The following RPN2 variants were observed in gnomAD, a reference collection of about 807,000 sequenced individuals.
The protein encoded by RPN2 is dolichyl-diphosphooligosaccharide--protein glycosyltransferase subunit 2.
RPN2 carries 29 observed loss-of-function variants against 71.4 expected under a neutral mutation model. That is an observed-to-expected ratio of 0.41 (90% CI 0.30 to 0.55). The LOEUF (loss-of-function observed/expected upper bound fraction) is 0.55. RPN2 is among the 20% of genes least tolerant of loss of function. The pLI is 0.35. For missense variants in RPN2, 726 were observed against 774.1 expected (o/e 0.94, Z 0.74); for synonymous variants, 308 against 305.0 (o/e 1.01, Z -0.10).
intron 9 of RPN2, among the ~76,000 whole-genome samples, chr20:37,216,937 T>C (rs2067821802): frequency 1.7e-5 from 1 of 60,584 alleles, no homozygotes; most frequent in African/African-American, 5.5e-5. Flanking sequence ...TTCTTTTTCT[T>C]TCTTTTTTTT....
intron 9 of RPN2, among the ~76,000 whole-genome samples, chr20:37,222,742 A>G (rs2067991259): frequency 6.6e-6 from 1 of 152,216 alleles, no homozygotes; most frequent in Non-Finnish European, 1.5e-5. Context: ...GTTTGCACAT[A>G]AAAGCGCCTT....
chr20:37,229,893 G>A, intron 12 of RPN2, 80 bp from the exon 13 acceptor site: 1 of 1,070,742 alleles, frequency 9.3e-7, no homozygotes, highest in Non-Finnish European at 1.5e-6. Context: ...GGTCTTAGAT[G>A]TGAGTCAGAG....
At chr20:37,224,935 A>C (rs2068043432) in intron 10 of RPN2, among the ~76,000 whole-genome samples, 1 of 152,192 alleles carries the variant, frequency 6.6e-6, no homozygotes, top group Non-Finnish European at 1.5e-5. Flanking sequence ...CACTGAAGAA[A>C]TGTCTGTGCG....
intron 4 of RPN2, among the ~76,000 whole-genome samples, chr20:37,202,452 T>C (rs529190722): frequency 9.2e-5 from 14 of 152,342 alleles, no homozygotes; most frequent in Non-Finnish European, 1.5e-4. Context: ...CCCTGACATA[T>C]TGACTTGATA....
chr20:37,229,007 A>G (rs1348372593), intron 12 of RPN2, among the ~76,000 whole-genome samples: 2 of 152,182 alleles, frequency 1.3e-5, no homozygotes, highest in Non-Finnish European at 2.9e-5. Context: ...GTGAATTTCT[A>G]TAAACATTAT....
chr20:37,192,488 A>G (rs963729311), intron 2 of RPN2, among the ~76,000 whole-genome samples: 1 of 152,208 alleles, frequency 6.6e-6, no homozygotes, highest in Non-Finnish European at 1.5e-5. Context: ...GAAAGCCACA[A>G]TCTTGCACTG....
chr20:37,233,853 C>T (rs564922292), intron 14 of RPN2, among the ~76,000 whole-genome samples, 167 bp from the exon 15 acceptor site: 13 of 152,298 alleles, frequency 8.5e-5, no homozygotes, highest in Admixed American at 4.6e-4. Flanking sequence ...CAAGTTTCCC[C>T]GAGGGCTTAT....
At chr20:37,225,953 T>G in intron 11 of RPN2, 151 bp downstream of exon 11, 2 of 703,712 alleles carry the variant, frequency 2.8e-6, no homozygotes, top group South Asian at 3.0e-5. Context: ...TTCTCCCACA[T>G]GACACTCTCA....
intron 16 of RPN2, chr20:37,238,260 T>C (rs2146720318): frequency 2.8e-6 from 2 of 722,316 alleles, no homozygotes; most frequent in South Asian, 1.5e-5. Flanking sequence ...TGGCCCTCTT[T>C]GTGAGTCCTA....
chr20:37,183,786 AGAACCT>A (rs1426600547), intron 1 of RPN2, among the ~76,000 whole-genome samples: 4 of 152,258 alleles, frequency 2.6e-5, no homozygotes, highest in African/African-American at 9.6e-5. Flanking sequence ...TGAGCAGGAA[AGAACCT>A]GGCTTCTTAG....
At chr20:37,231,744 A>G (rs2068255022) in intron 13 of RPN2, among the ~76,000 whole-genome samples, 1 of 151,196 alleles carries the variant, frequency 6.6e-6, no homozygotes, top group Non-Finnish European at 1.5e-5. Flanking sequence ...GAGAGCGGGA[A>G]GTTCGTTTAG....
intron 1 of RPN2, among the ~76,000 whole-genome samples, chr20:37,180,112 G>T (rs957780094): frequency 1.3e-5 from 2 of 152,196 alleles, no homozygotes; most frequent in African/African-American, 2.4e-5. Context: ...TAGCCTCATC[G>T]TAACTTTGGA....
chr20:37,204,018 A>C, intron 5 of RPN2, 58 bp downstream of exon 5: 1 of 1,200,184 alleles, frequency 8.3e-7, no homozygotes, highest in Non-Finnish European at 1.2e-6. Context: ...TCTGCAGAAG[A>C]ATCTTGCAGA....
At chr20:37,194,509 G>A (rs2300152) in intron 2 of RPN2, among the ~76,000 whole-genome samples, 112,469 of 152,108 alleles carry the variant, frequency 0.74, 42,040 homozygotes, top group Middle Eastern at 0.85. Context: ...TGATCCACCC[G>A]CCTCAGCCTC....
At chr20:37,226,209 G>A (rs1205869204) in intron 11 of RPN2, among the ~76,000 whole-genome samples, 2 of 152,108 alleles carry the variant, frequency 1.3e-5, no homozygotes, top group Admixed American at 1.3e-4. Context: ...AAGTAGCTGG[G>A]ATACAGGCAT....
chr20:37,213,046 A>G (rs961444849), intron 8 of RPN2, among the ~76,000 whole-genome samples: 4 of 152,196 alleles, frequency 2.6e-5, no homozygotes, highest in African/African-American at 9.7e-5. Context: ...TTTTTGAGAA[A>G]TTCACAAAAC....
chr20:37,193,606 CTAT>C (rs2067193465), intron 2 of RPN2, among the ~76,000 whole-genome samples: 1 of 152,120 alleles, frequency 6.6e-6, no homozygotes, highest in African/African-American at 2.4e-5. Flanking sequence ...GGAAGACAGA[CTAT>C]AGCAGGGGGC....
chr20:37,188,814 G>A (rs908949128), intron 2 of RPN2, among the ~76,000 whole-genome samples: 4 of 150,816 alleles, frequency 2.7e-5, no homozygotes, highest in Non-Finnish European at 4.4e-5. Flanking sequence ...TTGTAGAGAC[G>A]GTGTTGCCAT....
chr20:37,195,131 G>A (rs528814755), intron 2 of RPN2, among the ~76,000 whole-genome samples: 23 of 152,104 alleles, frequency 1.5e-4, no homozygotes, highest in Admixed American at 5.9e-4. Context: ...GCCTTCAGTC[G>A]GGAAGATGAG....
Sources: gnomAD v4.1 joint callset for allele counts (sites outside exome capture counted in the v4.1 genomes callset) on GRCh38, gnomAD v4.1.1 for gene constraint, MANE v1.5 for transcripts, NCBI Gene and HGNC (gene_info 2026-07-23, HGNC 2026-07-21) for gene names.